The following PDE8A variants were observed in gnomAD, a reference collection of about 807,000 sequenced individuals.
PDE8A encodes high affinity cAMP-specific and IBMX-insensitive 3',5'-cyclic phosphodiesterase 8A.
In PDE8A, 59 loss-of-function variants were observed where a neutral mutation model predicts 105.0. That is an observed-to-expected ratio of 0.56 (90% CI 0.46 to 0.70). The LOEUF (loss-of-function observed/expected upper bound fraction) is 0.70. PDE8A is among the 30% of genes least tolerant of loss of function. The pLI is 0.00. For synonymous variants in PDE8A, 355 were observed against 371.9 expected (o/e 0.95, Z 0.52); for missense variants, 1,014 against 1,045.9 (o/e 0.97, Z 0.42).
chr15:85,005,252 C>G (rs1202061820), intron 1 of PDE8A, among the ~76,000 whole-genome samples: 1 of 152,104 alleles, frequency 6.6e-6, no homozygotes, highest in Non-Finnish European at 1.5e-5. Context: ...GTAGCTGGGA[C>G]TGCTGCCATG....
chr15:85,111,989 T>C (rs2082027001), intron 12 of PDE8A, among the ~76,000 whole-genome samples: 1 of 152,196 alleles, frequency 6.6e-6, no homozygotes, highest in Non-Finnish European at 1.5e-5. Context: ...TGTATATAGT[T>C]ATAGAAATAC....
intron 1 of PDE8A, among the ~76,000 whole-genome samples, chr15:85,021,420 G>A (rs901320630): frequency 8.6e-5 from 13 of 151,994 alleles, no homozygotes; most frequent in African/African-American, 3.1e-4. Context: ...GCCTTTGCCC[G>A]TAGTCCTAGC....
At chr15:85,020,575 G>A (rs2080408457) in intron 1 of PDE8A, among the ~76,000 whole-genome samples, 1 of 152,202 alleles carries the variant, frequency 6.6e-6, no homozygotes, top group Non-Finnish European at 1.5e-5. Context: ...CTGCACTCTA[G>A]CCTGAGCGAG....
At chr15:85,120,327 C>T (rs1277102211) in intron 17 of PDE8A, 2 of 152,196 alleles carry the variant, frequency 1.3e-5, no homozygotes, top group African/African-American at 4.8e-5. Context: ...ACTTCCAGAT[C>T]ATTTTGTCAA....
chr15:85,124,079 CTG>C (rs1289747081), intron 19 of PDE8A, among the ~76,000 whole-genome samples: 1 of 152,184 alleles, frequency 6.6e-6, no homozygotes, highest in Non-Finnish European at 1.5e-5. Flanking sequence ...GAGAAAGACA[CTG>C]TATTTGTGTC....
At chr15:85,066,966 A>G (rs2081239247) in intron 2 of PDE8A, 48 bp from the exon 3 acceptor site, 1 of 1,385,316 alleles carries the variant, frequency 7.2e-7, no homozygotes, top group Non-Finnish European at 1.0e-6. Context: ...AGAAATGACA[A>G]TTCTAACATC....
At chr15:85,077,967 G>GT (rs949433802) in intron 5 of PDE8A, among the ~76,000 whole-genome samples, 12 of 152,052 alleles carry the variant, frequency 7.9e-5, no homozygotes, top group African/African-American at 2.9e-4. Context: ...TGAAGTTTTA[G>GT]TTGTGTATAT....
intron 1 of PDE8A, among the ~76,000 whole-genome samples, chr15:85,007,160 T>C (rs1045232525): frequency 6.6e-6 from 1 of 152,148 alleles, no homozygotes; most frequent in Admixed American, 6.6e-5. Flanking sequence ...TTGGGTTTGA[T>C]AGAAGGGAAA....
At chr15:85,137,407 G>A (rs997168000) in intron 21 of PDE8A, among the ~76,000 whole-genome samples, 43 of 151,758 alleles carry the variant, frequency 2.8e-4, no homozygotes, top group African/African-American at 1.0e-3. Flanking sequence ...GCTGGTGTAT[G>A]TGAAGCATGC....
intron 17 of PDE8A, among the ~76,000 whole-genome samples, chr15:85,119,473 A>AAAAAAAAAAAAAAAAAAAAC (rs1305132368): frequency 6.7e-6 from 1 of 150,258 alleles, no homozygotes. Flanking sequence ...CGTCTCAAAA[A>AAAAAAAAAAAAAAAAAAAAC]AAAAAAAACA....
chr15:85,025,828 GC>G (rs2080507539), intron 1 of PDE8A, among the ~76,000 whole-genome samples: 1 of 152,154 alleles, frequency 6.6e-6, no homozygotes, highest in African/African-American at 2.4e-5. Flanking sequence ...TGAGACTCGG[GC>G]CAGAACAATG....
intron 8 of PDE8A, among the ~76,000 whole-genome samples, chr15:85,091,878 C>T (rs1217857059): frequency 3.7e-5 from 5 of 136,850 alleles, no homozygotes; most frequent in Non-Finnish European, 7.7e-5. Flanking sequence ...TTTTCACAAT[C>T]ATTCATGGTC....
chr15:85,014,937 C>T (rs986690876), intron 1 of PDE8A, among the ~76,000 whole-genome samples: 18 of 152,114 alleles, frequency 1.2e-4, no homozygotes, highest in Non-Finnish European at 2.1e-4. Context: ...CCCCTTTACC[C>T]GCTACACCCC....
chr15:85,090,088 G>A (rs887975451), intron 7 of PDE8A, among the ~76,000 whole-genome samples: 1 of 152,164 alleles, frequency 6.6e-6, no homozygotes, highest in African/African-American at 2.4e-5. Context: ...TGACTTCCTT[G>A]TTGAAGAGGT....
In PDE8A at chr15:85,123,337, T is replaced by TACACACACACACACAC. The variant is rs58421452; in HGVS notation, c.2085+178_2085+193dup. 350 of 330,392 alleles carry TACACACACACACACAC rather than the reference T, an allele frequency of 1.1e-3. 2 individuals carry two copies. The highest frequency in any genetic ancestry group is 4.6e-3 in the African/African-American group (183 of 39,940). The allele number at this position is 330,392 out of a possible 1,614,324, so 20.5% of individuals were successfully genotyped here. On this transcript the variant is annotated intron_variant, in intron 19 of 21. Transcript: ENST00000394553. Reference sequence around the variant, plus strand: ...TCTTACAGGGACAGAACTAATGGGATACACACACACACACACACACACACA... The same window carrying TACACACACACACACAC: ...TCTTACAGGGACAGAACTAATGGGATACACACACACACACACACACACACACACACACACACACACA...
intron 1 of PDE8A, among the ~76,000 whole-genome samples, chr15:85,017,729 A>G (rs888914328): frequency 9.9e-5 from 15 of 151,932 alleles, no homozygotes; most frequent in Admixed American, 2.6e-4. Context: ...TCTACTAAAA[A>G]TATAAATATT....
intron 1 of PDE8A, among the ~76,000 whole-genome samples, chr15:85,037,721 T>C (rs2080730730): frequency 6.6e-6 from 1 of 152,226 alleles, no homozygotes; most frequent in Non-Finnish European, 1.5e-5. Flanking sequence ...GTTCTTCTTA[T>C]TAATTATTAC....
intron 11 of PDE8A, among the ~76,000 whole-genome samples, chr15:85,101,023 C>A (rs934010956): frequency 1.3e-5 from 2 of 152,214 alleles, no homozygotes; most frequent in Non-Finnish European, 2.9e-5. Context: ...GTACAAGATA[C>A]CTGTCCTAAG....
rs1352777239 is a variant in PDE8A at position 85,104,563 on chromosome 15, TAAGTATA to T, written c.1036+4367_1036+4373del. Among the ~76,000 whole-genome samples, 3 of 151,846 alleles carry T rather than the reference TAAGTATA, an allele frequency of 2.0e-5. No individual in the cohort carries two copies. The East Asian group carries it at 5.9e-4, about 30-fold the overall frequency. ...TCAGAGACTGGATTCAGGAGTTACTTAAGTATAATCAGTAGGATTTGGGAACCAGCTT... is the reference window on the plus strand; with the variant it reads ...TCAGAGACTGGATTCAGGAGTTACTTATCAGTAGGATTTGGGAACCAGCTT... On this transcript the variant is annotated intron_variant, in intron 11 of 21. Transcript: ENST00000394553.
Sources: allele counts gnomAD v4.1 joint callset (sites outside exome capture counted in the v4.1 genomes callset), GRCh38; gene constraint gnomAD v4.1.1; transcripts MANE v1.5; gene names NCBI Gene and HGNC (gene_info 2026-07-23, HGNC 2026-07-21).